The following B3GALT1 variants were observed in gnomAD, a reference collection of about 807,000 sequenced individuals.
The protein encoded by B3GALT1 is UDP-Gal:betaGlcNAc beta 1,3-galactosyltransferase, polypeptide 1.
Under a neutral mutation model 23.2 loss-of-function variants are expected in B3GALT1, and 10 were observed. The ratio of observed to expected loss-of-function variants is 0.43; its 90% CI spans 0.27 to 0.73. B3GALT1 has a LOEUF of 0.73. Ranked by LOEUF, B3GALT1 falls within the 30% of genes least tolerant of loss-of-function variation. The pLI is 0.21. For synonymous variants in B3GALT1, 156 were observed against 141.5 expected, an observed-to-expected ratio of 1.10 and a Z score of -0.73; for missense variants, 299 against 405.4, an observed-to-expected ratio of 0.74 and a Z score of 2.25.
chr2:167,680,806 T>G (rs1381784961), intron 3 of B3GALT1, among the ~76,000 whole-genome samples: 1 of 152,138 alleles, frequency 6.6e-6, no homozygotes, highest in Non-Finnish European at 1.5e-5. Flanking sequence ...CTGAAACCAT[T>G]AAGAAATTTT....
At chr2:167,835,041 G>A (rs1689429236) in intron 4 of B3GALT1, among the ~76,000 whole-genome samples, 1 of 151,922 alleles carries the variant, frequency 6.6e-6, no homozygotes, top group East Asian at 1.9e-4. Context: ...AAGCCTTTTT[G>A]AGGGGAGGAG....
chr2:167,705,666 C>A (rs1284963354), intron 3 of B3GALT1, among the ~76,000 whole-genome samples: 2 of 152,066 alleles, frequency 1.3e-5, no homozygotes, highest in Admixed American at 6.5e-5. Context: ...TATAATAGAC[C>A]CACATACTCC....
intron 1 of B3GALT1, among the ~76,000 whole-genome samples, chr2:167,434,524 A>T (rs1414547387): frequency 1.2e-3 from 4 of 3,476 alleles, no homozygotes; most frequent in Non-Finnish European, 4.8e-3. Context: ...AGTACTCTGT[A>T]AAAAAAAAAA....
chr2:167,788,066 T>C (rs1461138610), intron 3 of B3GALT1, among the ~76,000 whole-genome samples: 4 of 152,240 alleles, frequency 2.6e-5, no homozygotes, highest in African/African-American at 9.6e-5. Context: ...GAGTAGGGTA[T>C]ACTGGAGAGG....
intron 3 of B3GALT1, among the ~76,000 whole-genome samples, chr2:167,736,245 T>A (rs576651802): frequency 6.6e-6 from 1 of 152,168 alleles, no homozygotes; most frequent in African/African-American, 2.4e-5. Flanking sequence ...TAGTGCCACA[T>A]TTAAGAAAAA....
chr2:167,822,597 TAC>T (rs1689131824), intron 4 of B3GALT1, among the ~76,000 whole-genome samples: 1 of 152,212 alleles, frequency 6.6e-6, no homozygotes, highest in Non-Finnish European at 1.5e-5. Flanking sequence ...CTGAGTTGCC[TAC>T]ACACAGACCA....
intron 3 of B3GALT1, among the ~76,000 whole-genome samples, chr2:167,696,731 G>A (rs1686797551): frequency 2.6e-5 from 4 of 152,180 alleles, no homozygotes; most frequent in African/African-American, 7.2e-5. Context: ...GCATCATGAT[G>A]TAAATGGTAA....
chr2:167,393,095 G>A (rs569268244), intron 1 of B3GALT1, among the ~76,000 whole-genome samples: 1 of 152,086 alleles, frequency 6.6e-6, no homozygotes, highest in Admixed American at 6.5e-5. Context: ...TTAGCCAGAC[G>A]TGGTGGTGGG....
At chr2:167,649,567 T>TG (rs2105462697) in intron 3 of B3GALT1, among the ~76,000 whole-genome samples, 1 of 152,274 alleles carries the variant, frequency 6.6e-6, no homozygotes, top group Admixed American at 6.5e-5. Flanking sequence ...CCTTTGTGTC[T>TG]GGACTCTTTT....
At chr2:167,811,136 A>C (rs55902033) in intron 3 of B3GALT1, among the ~76,000 whole-genome samples, 5,055 of 152,330 alleles carry the variant, frequency 0.033, 121 homozygotes, top group South Asian at 0.071. Context: ...AATTGCATTC[A>C]TGTCACCTAA....
intron 2 of B3GALT1, among the ~76,000 whole-genome samples, chr2:167,612,247 CCTAAAAAATTCAATATTTCTCT>C (rs1267244397): frequency 6.6e-6 from 1 of 151,734 alleles, no homozygotes; most frequent in Non-Finnish European, 1.5e-5. Context: ...GAATAGTGGA[CCTAAAAAATTCAATATTTCTCT>C]CTTGTGATAG....
rs141751880 is a variant in B3GALT1, at chr2:167,680,290, G to T, written c.-352+33324G>T. Among the ~76,000 whole-genome samples, 666 of 152,282 alleles carry T rather than the reference G, an allele frequency of 4.4e-3. 4 individuals carry two copies. The highest frequency in any genetic ancestry group is 0.015 in the African/African-American group (636 of 41,560). On this transcript the variant is annotated intron_variant, in intron 3 of 4. Coordinates refer to ENST00000392690, the MANE Select transcript of B3GALT1 (RefSeq NM_020981.4). ...CGTTGCTAAAAGCCCAGGACAGGGGGATTTGTTTCTACATTTCAGTAAGCT... is the reference window on the plus strand; with the variant it reads ...CGTTGCTAAAAGCCCAGGACAGGGGTATTTGTTTCTACATTTCAGTAAGCT...
At chr2:167,691,119 T>C (rs965310641) in intron 3 of B3GALT1, among the ~76,000 whole-genome samples, 2 of 152,150 alleles carry the variant, frequency 1.3e-5, no homozygotes, top group Non-Finnish European at 2.9e-5. Flanking sequence ...CTCTAGTATA[T>C]TTTTAAGCAA....
chr2:167,713,995 A>G, intron 3 of B3GALT1: 1 of 1,550,404 alleles, frequency 6.4e-7, no homozygotes. Flanking sequence ...GTGGAGGAAT[A>G]AAGCCGGGGC....
At chr2:167,623,353 C>G (rs976748206) in intron 2 of B3GALT1, among the ~76,000 whole-genome samples, 1 of 152,038 alleles carries the variant, frequency 6.6e-6, no homozygotes, top group Non-Finnish European at 1.5e-5. Flanking sequence ...TAGAACCAAC[C>G]CAAATGCCCA....
chr2:167,310,140 A>C (rs1298474655), intron 1 of B3GALT1, among the ~76,000 whole-genome samples: 1 of 152,080 alleles, frequency 6.6e-6, no homozygotes, highest in East Asian at 1.9e-4. Context: ...ATAGACAAGA[A>C]TATATAAAAG....
In B3GALT1 at chr2:167,600,929, G is replaced by A. The variant is rs1198092557; in HGVS notation, c.-409-45980G>A. Among the ~76,000 whole-genome samples, 8 of 152,184 alleles carry A rather than the reference G, an allele frequency of 5.3e-5. No individual in the cohort carries two copies. In the South Asian group the frequency reaches 1.7e-3, roughly 32 times the overall value. On this transcript the variant is annotated intron_variant, in intron 2 of 4. Coordinates refer to ENST00000392690, the MANE Select transcript of B3GALT1 (RefSeq NM_020981.4). ...TTTAATTGTTTTTAGTATAAACATA[G>A]GAGTAGAAGTGCTGGATTGTTTAGC...
chr2:167,867,117 G>A (rs559515439), intron 4 of B3GALT1, among the ~76,000 whole-genome samples: 80 of 152,150 alleles, frequency 5.3e-4, no homozygotes, highest in Middle Eastern at 6.8e-3. Context: ...TAGTAGAGAC[G>A]GGGTTTCACC....
In B3GALT1 at chr2:167,333,149, A is replaced by G. The variant is rs79486003; in HGVS notation, c.-511+39815A>G. The stretch of plus-strand genomic sequence containing the variant: ...AAAAGGAAGCTTTTTCAAAGGCATA[A>G]ACTCACAAGGACAAAAACAAAAGAG... On this transcript the variant is annotated intron_variant, in intron 1 of 4. Coordinates refer to ENST00000392690, the MANE Select transcript of B3GALT1 (RefSeq NM_020981.4). Among the ~76,000 whole-genome samples, 822 of 152,326 alleles carry G rather than the reference A, an allele frequency of 5.4e-3. 9 individuals carry two copies. The highest frequency in any genetic ancestry group is 0.018 in the African/African-American group (753 of 41,576).
Sources: allele counts gnomAD v4.1 joint callset (sites outside exome capture counted in the v4.1 genomes callset), GRCh38; gene constraint gnomAD v4.1.1; transcripts MANE v1.5; gene names NCBI Gene and HGNC (gene_info 2026-07-23, HGNC 2026-07-21).